The following ASMTL variants were observed in gnomAD, a reference collection of about 807,000 sequenced individuals.
ASMTL encodes acetylserotonin O-methyltransferase like.
In ASMTL, 57 loss-of-function variants were observed where a neutral mutation model predicts 60.3. The ratio of observed to expected loss-of-function variants is 0.95; its 90% confidence interval spans 0.76 to 1.18. The LOEUF (loss-of-function observed/expected upper bound fraction) is 1.18, where lower values mean the gene tolerates loss of function less well. ASMTL is among the 50% of genes most tolerant of loss of function. The pLI is 0.00. For missense variants in ASMTL, 981 were observed against 852.6 expected (o/e 1.15, Z -1.88); for synonymous variants, 419 against 373.0 (o/e 1.12, Z -1.42).
chrX:1,424,079 G>C lies in ASMTL; in HGVS notation c.1060+1446C>G, dbSNP rs772455361. On this transcript the variant is annotated intron_variant, in intron 8 of 12. Transcript: ENST00000381317. The stretch of plus-strand genomic sequence containing the variant: ...CCATCCATCCACCCATCCACTGATG[G>C]ATCCACTGATCCATCCACCCATGCA... 5.3e-4 allele frequency among the ~76,000 whole-genome samples: 58 copies of C among 109,282 alleles called. No homozygotes were observed. In the East Asian group the frequency reaches 0.015, roughly 28 times the overall value. The allele number at this position is 109,282 out of a possible 152,430, so 71.7% of individuals were successfully genotyped here. A position where few individuals can be genotyped will look rare whatever the true frequency, so the allele number is the denominator to read the frequency against.
At chrX:1,412,125 C>A (rs1478612480) in intron 12 of ASMTL, among the ~76,000 whole-genome samples, 6 of 151,416 alleles carry the variant, frequency 4.0e-5, no homozygotes, top group Non-Finnish European at 7.4e-5. Context: ...CCACACTGGC[C>A]AACTTTAAAT....
At chrX:1,453,264 C>T (rs1306583737), upstream of ASMTL, among the ~76,000 whole-genome samples, 1 of 147,398 alleles carries the variant, frequency 6.8e-6, no homozygotes, top group African/African-American at 2.5e-5. Context: ...GGCCACACCT[C>T]CTTGCCCTCT....
intron 12 of ASMTL, among the ~76,000 whole-genome samples, chrX:1,408,164 GCCCTC>G (rs1199834875): frequency 1.4e-3 from 135 of 94,266 alleles, no homozygotes; most frequent in African/African-American, 3.9e-3. Context: ...TGGCAACACT[GCCCTC>G]CAGCCAAATG....
intron 12 of ASMTL, among the ~76,000 whole-genome samples, chrX:1,405,960 G>C (rs1457634350): frequency 4.6e-5 from 7 of 150,976 alleles, no homozygotes; most frequent in African/African-American, 1.7e-4. Flanking sequence ...GTAGATGGTA[G>C]ATGATGGGTA....
chrX:1,415,978 C>T (rs1197694287), intron 11 of ASMTL, among the ~76,000 whole-genome samples: 3 of 151,826 alleles, frequency 2.0e-5, no homozygotes, highest in Admixed American at 6.6e-5. Context: ...CTGACAGGTA[C>T]ACACATGGAC....
intron 6 of ASMTL, among the ~76,000 whole-genome samples, chrX:1,431,572 T>G (rs1379311298): frequency 7.0e-6 from 1 of 142,420 alleles, no homozygotes; most frequent in African/African-American, 2.5e-5. Flanking sequence ...AATATCTATA[T>G]GTAATATAGT....
chrX:1,416,562 C>T (rs1266802116), intron 11 of ASMTL, among the ~76,000 whole-genome samples: 3 of 93,890 alleles, frequency 3.2e-5, no homozygotes, highest in African/African-American at 6.6e-5. Flanking sequence ...GATACCCCAA[C>T]AGGCACACAG....
chrX:1,406,246 G>T lies in ASMTL; in HGVS notation c.1646-2757C>A, dbSNP rs1474518438. On this transcript the variant is annotated intron_variant, in intron 12 of 12. Coordinates refer to ENST00000381317, the MANE Select transcript of ASMTL (RefSeq NM_004192.4). ...TGAATAGATGGTAGATGATGGGTAGGTAGGAAGATGAATAGATGGGTGCAT... is the reference window on the plus strand; with the variant it reads ...TGAATAGATGGTAGATGATGGGTAGTTAGGAAGATGAATAGATGGGTGCAT... 3.3e-5 allele frequency among the ~76,000 whole-genome samples: 5 copies of T among 151,250 alleles called. No homozygotes were observed. In the South Asian group the frequency reaches 1.1e-3, roughly 32 times the overall value.
At chrX:1,420,836 C>T (rs1189727055) in intron 9 of ASMTL, among the ~76,000 whole-genome samples, 37 of 152,222 alleles carry the variant, frequency 2.4e-4, no homozygotes, top group African/African-American at 8.9e-4. Flanking sequence ...TTCTGTCACC[C>T]GGGCTGGAGT....
rs185593463 is a variant in ASMTL at position 1,441,778 on chromosome X, C to T, written c.225+408G>A. On this transcript the variant is annotated intron_variant, in intron 2 of 12. Transcript: ENST00000381317. ...TAGATAAGCTACATTAATTCTGTAT[C>T]ATCAATGATACTATGATATCAATTG... The T allele has an allele frequency of 9.4e-5, 16 of 170,148 alleles. No individual in the cohort carries two copies. The East Asian group carries it at 2.7e-3, about 29-fold the overall frequency. 10.5% of individuals were successfully genotyped at this position (170,148 alleles called of 1,614,324 possible).
rs2089679594 is a variant in ASMTL at position 1,403,673 on chromosome X, A to G, written c.1646-184T>C. ...GACAGAGACTTGATGCAGGGCGGAC[A>G]GACAGGGAGAAGGAGATTTGATCGA... On this transcript the variant is annotated intron_variant, in intron 12 of 12. Transcript: ENST00000381317. 8.2e-6 allele frequency: 5 copies of G among 609,646 alleles called. No individual in the cohort carries two copies. In the East Asian group the frequency reaches 1.1e-4, roughly 13 times the overall value. 37.8% of individuals were successfully genotyped at this position (609,646 alleles called of 1,614,324 possible).
At chrX:1,415,132 G>T (rs1468984104) in intron 11 of ASMTL, among the ~76,000 whole-genome samples, 1 of 150,812 alleles carries the variant, frequency 6.6e-6, no homozygotes, top group Non-Finnish European at 1.5e-5. Context: ...GTAGAGATGG[G>T]GTTTCACCAT....
chrX:1,405,513 T>C (rs766585697), intron 12 of ASMTL, among the ~76,000 whole-genome samples: 37 of 148,644 alleles, frequency 2.5e-4, no homozygotes, highest in African/African-American at 9.0e-4. Flanking sequence ...ATGAGATGGA[T>C]GGGTGTATAG....
rs28592995 is a variant in ASMTL at position 1,435,762 on chromosome X, T to C, written c.274-4A>G. 523,720 of 1,608,498 alleles carry C rather than the reference T, an allele frequency of 0.33. 87,286 individuals are homozygous for C. Among genetic ancestry groups the C allele is most frequent in the African/African-American group, 0.45 (33,835 of 74,594 alleles). ...CCAGAATCAGCCCCCCGACTGTCTG[T>C]GAGAGGAAGGGACAGAGGGAGTTGG... On this transcript the variant is annotated splice_polypyrimidine_tract_variant and splice_region_variant and intron_variant, in intron 3 of 12. Transcript: ENST00000381317.
In ASMTL at chrX:1,403,391, C is replaced by T. The variant is rs1217472690; in HGVS notation, c.1744G>A (p.Gly582Ser). 2.5e-6 allele frequency: 4 copies of T among 1,613,500 alleles called. No homozygotes were observed. Among genetic ancestry groups the T allele is most frequent in the South Asian group, 1.1e-5 (1 of 91,084 alleles). The change falls in exon 13 of 13, where the codon GGC becomes AGC. Residue 582 changes from glycine to serine, a missense_variant. By Grantham distance (56) the Gly-to-Ser change is moderately conservative. Transcript: ENST00000381317. ...TACTCGCCCAGGCTCCGCTCCTTGC[C>T]TTCAGTCTGCACCAGCATGTTCAGT... ...QSLNMLVQTE[G>S]KERSLGEYQC...
intron 8 of ASMTL, 91 bp downstream of exon 8, chrX:1,425,434 C>G: frequency 1.4e-6 from 2 of 1,448,496 alleles, no homozygotes; most frequent in Admixed American, 2.2e-5. Context: ...TGTGGGCCTC[C>G]TTCCTCGCTC....
At chrX:1,416,351 A>C (rs1308097234) in intron 11 of ASMTL, among the ~76,000 whole-genome samples, 1 of 131,330 alleles carries the variant, frequency 7.6e-6, no homozygotes, top group Admixed American at 7.8e-5. Flanking sequence ...AGATACAGTG[A>C]CAGGCACACA....
chrX:1,404,462 G>A (rs1258683359), intron 12 of ASMTL, among the ~76,000 whole-genome samples: 1 of 145,940 alleles, frequency 6.9e-6, no homozygotes, highest in Non-Finnish European at 1.5e-5. Flanking sequence ...AGATGGGTAG[G>A]TAGGTAGATA....
intron 1 of ASMTL, among the ~76,000 whole-genome samples, chrX:1,445,875 C>T (rs117226502): frequency 0.025 from 3,793 of 152,132 alleles, 159 homozygotes; most frequent in African/African-American, 0.087. Flanking sequence ...AGAAGACGAG[C>T]GCGAGCCTTC....
Sources: gnomAD v4.1 joint callset for allele counts (sites outside exome capture counted in the v4.1 genomes callset) on GRCh38, gnomAD v4.1.1 for gene constraint, MANE v1.5 for transcripts, NCBI Gene and HGNC (gene_info 2026-07-23, HGNC 2026-07-21) for gene names.